RIMKLB: variants seen among roughly 807,000 people sequenced by gnomAD.
The protein encoded by RIMKLB is ribosomal modification protein rimK like family member B, also known as beta-citrylglutamate synthase B.
Under a neutral mutation model 32.0 loss-of-function variants are expected in RIMKLB, and 7 were observed. The ratio of observed to expected loss-of-function variants is 0.22; its 90% CI spans 0.12 to 0.41. The LOEUF (loss-of-function observed/expected upper bound fraction) is 0.41. Among genes scored for constraint, RIMKLB ranks in the 10% least tolerant of loss-of-function variants. RIMKLB has a pLI of 1.00. For missense variants in RIMKLB, 289 were observed against 498.7 expected (o/e 0.58, Z 4.00); for synonymous variants, 172 against 185.1 (o/e 0.93, Z 0.57).
At chr12:8,697,274 T>G (rs1942924442), upstream of RIMKLB, 1 of 152,160 alleles carries the variant, frequency 6.6e-6, no homozygotes, top group Non-Finnish European at 1.5e-5. Context: ...GGTTTTAAAT[T>G]TGCCTCTCAA....
chr12:8,741,006 A>G (rs957591919), intron 2 of RIMKLB, among the ~76,000 whole-genome samples: 2 of 152,160 alleles, frequency 1.3e-5, no homozygotes, highest in African/African-American at 4.8e-5. Flanking sequence ...CAGGAGTTCG[A>G]GACCAGCCTG....
At chr12:8,758,035 A>G (rs1426036874) in intron 5 of RIMKLB, among the ~76,000 whole-genome samples, 1 of 150,650 alleles carries the variant, frequency 6.6e-6, no homozygotes, top group Non-Finnish European at 1.5e-5. Context: ...GGCTCAAGCT[A>G]TCCTCCTGCC....
rs777365814 is a variant in RIMKLB, at chr12:8,720,248, T to A, written c.175+6207T>A. ...TATTAAAACACATTCATTAGGAGAATATGAGAAGTCATATCATCAGTAACA... is the reference window on the plus strand; with the variant it reads ...TATTAAAACACATTCATTAGGAGAAAATGAGAAGTCATATCATCAGTAACA... On this transcript the variant is annotated intron_variant, in intron 2 of 5. Coordinates refer to ENST00000535829, the MANE Select transcript of RIMKLB (RefSeq NM_001297776.2). Among the ~76,000 whole-genome samples, 11 of 152,324 alleles carry A rather than the reference T, an allele frequency of 7.2e-5. No individual in the cohort carries two copies. The East Asian group carries it at 1.9e-3, about 27-fold the overall frequency.
chr12:8,678,099 G>C (rs1431882793), upstream of RIMKLB, among the ~76,000 whole-genome samples: 1 of 151,108 alleles, frequency 6.6e-6, no homozygotes, highest in Non-Finnish European at 1.5e-5. Flanking sequence ...CTTGCCCCTT[G>C]TTTTTTAGCC....
chr12:8,739,996 C>G (rs982399059), intron 2 of RIMKLB, among the ~76,000 whole-genome samples: 2 of 152,186 alleles, frequency 1.3e-5, no homozygotes, highest in African/African-American at 4.8e-5. Flanking sequence ...GCAACCTCCG[C>G]CTCTTGGGTT....
At chr12:8,731,098 CTTTTTCTT>C (rs1565588964) in intron 2 of RIMKLB, among the ~76,000 whole-genome samples, 1 of 136,760 alleles carries the variant, frequency 7.3e-6, no homozygotes, top group Admixed American at 7.2e-5. Flanking sequence ...CACTGTTTCT[CTTTTTCTT>C]TTTCTTTGAG....
At chr12:8,758,370 C>A (rs1591938512) in intron 5 of RIMKLB, among the ~76,000 whole-genome samples, 1 of 152,022 alleles carries the variant, frequency 6.6e-6, no homozygotes, top group Non-Finnish European at 1.5e-5. Context: ...ATCCTCCCAT[C>A]TCAGCCTCCC....
chr12:8,746,337 G>A, intron 2 of RIMKLB, among the ~76,000 whole-genome samples: 1 of 151,650 alleles, frequency 6.6e-6, no homozygotes, highest in Non-Finnish European at 1.5e-5. Context: ...GGGAGCTCAT[G>A]CCTGTAATCC....
At chr12:8,723,687 TAAA>T (rs202027895) in intron 2 of RIMKLB, among the ~76,000 whole-genome samples, 3 of 151,042 alleles carry the variant, frequency 2.0e-5, no homozygotes, top group African/African-American at 7.3e-5. Flanking sequence ...TTAGGGAACT[TAAA>T]AAAAAATAAA....
At chr12:8,672,519 G>A in the RIMKLB span, among the ~76,000 whole-genome samples, 17,230 of 152,136 alleles carry the variant, frequency 0.11, 1,242 homozygotes, top group Non-Finnish European at 0.17. Flanking sequence ...GAGAGAATGA[G>A]GAAGAAGCAA....
chr12:8,696,786 C>T (rs781324846), upstream of RIMKLB, among the ~76,000 whole-genome samples: 62 of 152,136 alleles, frequency 4.1e-4, no homozygotes, highest in Admixed American at 1.2e-3. Flanking sequence ...ATTATATTGT[C>T]AATTGACTGG....
intron 5 of RIMKLB, among the ~76,000 whole-genome samples, chr12:8,768,117 A>G (rs1302569046): frequency 1.3e-5 from 2 of 152,292 alleles, no homozygotes; most frequent in African/African-American, 2.4e-5. Flanking sequence ...TTATAGCTCT[A>G]TTAGAAGCCA....
At position 8,700,066 on chromosome 12, in the gene RIMKLB, G is replaced by C. The variant is rs144856668; in HGVS notation, c.-57+1769G>C. 4.5e-4 allele frequency: 68 copies of C among 152,300 alleles called. 2 individuals carry two copies. The highest frequency in any genetic ancestry group is 1.6e-3 in the African/African-American group (65 of 41,558). The allele number at this position is 152,300 out of a possible 1,614,324, so 9.4% of individuals were successfully genotyped here. The stretch of plus-strand genomic sequence containing the variant: ...GTTTAATATACTTTTGTCAGTAGTA[G>C]TATCTAGGAGTAGCAGGGAGAGTGA... On this transcript the variant is annotated intron_variant, in intron 1 of 5. Transcript: ENST00000535829.
upstream of RIMKLB, among the ~76,000 whole-genome samples, chr12:8,676,801 G>T (rs1942345768): frequency 1.3e-5 from 2 of 152,094 alleles, no homozygotes; most frequent in Non-Finnish European, 2.9e-5. Context: ...TAGGCACCTT[G>T]AGTCAGACAG....
intron 2 of RIMKLB, among the ~76,000 whole-genome samples, chr12:8,720,770 C>T (rs1410392931): frequency 6.6e-6 from 1 of 152,126 alleles, no homozygotes; most frequent in African/African-American, 2.4e-5. Context: ...GAACTCCTGA[C>T]CTTGAATGAT....
At chr12:8,706,226 G>T (rs958038528) in intron 1 of RIMKLB, among the ~76,000 whole-genome samples, 1 of 151,934 alleles carries the variant, frequency 6.6e-6, no homozygotes, top group Non-Finnish European at 1.5e-5. Context: ...TGCAACCTCC[G>T]CCTTCTGGGT....
At chr12:8,732,756 T>TAC (rs775849283) in intron 2 of RIMKLB, among the ~76,000 whole-genome samples, 1,581 of 150,108 alleles carry the variant, frequency 0.011, 21 homozygotes, top group African/African-American at 0.037. Context: ...TATATATATA[T>TAC]ACACACACAC....
At chr12:8,762,840 T>C (rs1333822688) in intron 5 of RIMKLB, among the ~76,000 whole-genome samples, 3 of 152,144 alleles carry the variant, frequency 2.0e-5, no homozygotes, top group African/African-American at 7.2e-5. Flanking sequence ...CTTCCATCAG[T>C]ATACAAGTTG....
Position 8,749,992 on chromosome 12 carries a change from A to G in RIMKLB, c.306A>G (p.Leu102=), listed in dbSNP as rs930249670. 8.1e-6 allele frequency: 13 copies of G among 1,613,592 alleles called. No homozygotes were observed. The African/African-American group carries it at 1.2e-4, about 15-fold the overall frequency. ...LRHLEKMGCR[L]MNRPQAILNC... ...ATCTAGAGAAGATGGGATGTCGGTT[A>G]ATGAACCGACCTCAAGCCATCCTGA... Residue 102 remains leucine, a synonymous_variant, in exon 3 of 6, where the codon TTA becomes TTG. Coordinates refer to ENST00000535829, the MANE Select transcript of RIMKLB (RefSeq NM_001297776.2).
Sources: gnomAD v4.1 joint callset for allele counts (sites outside exome capture counted in the v4.1 genomes callset) on GRCh38, gnomAD v4.1.1 for gene constraint, MANE v1.5 for transcripts, NCBI Gene and HGNC (gene_info 2026-07-23, HGNC 2026-07-21) for gene names.